TRPC4: variants seen among roughly 807,000 people sequenced by gnomAD.
TRPC4 encodes the protein short transient receptor potential channel 4.
In TRPC4, 49 loss-of-function variants were observed where a neutral mutation model predicts 99.4. That is an observed-to-expected ratio of 0.49 (90% CI 0.39 to 0.63). The LOEUF (loss-of-function observed/expected upper bound fraction) is 0.63, where lower values mean the gene tolerates loss of function less well. TRPC4 is among the 20% of genes least tolerant of loss of function. TRPC4 has a pLI of 0.00. For synonymous variants in TRPC4, 454 were observed against 425.9 expected (o/e 1.07, Z -0.81); for missense variants, 898 against 1,152.9 (o/e 0.78, Z 3.20).
At chr13:37,796,773 C>A (rs1032921959) in intron 1 of TRPC4, among the ~76,000 whole-genome samples, 13 of 151,516 alleles carry the variant, frequency 8.6e-5, no homozygotes, top group African/African-American at 3.2e-4. Context: ...TTTCCAGGCT[C>A]ATAATTGTCT....
chr13:37,818,669 G>T (rs528554704), intron 1 of TRPC4, among the ~76,000 whole-genome samples: 36 of 152,100 alleles, frequency 2.4e-4, no homozygotes, highest in Non-Finnish European at 4.4e-4. Context: ...GATGAAGCTG[G>T]AAACCATCAT....
At position 37,636,777 on chromosome 13, in the gene TRPC4, A is replaced by ATCTGTT; in HGVS notation, c.*125_*126insAACAGA. 2 of 1,325,854 alleles carry ATCTGTT rather than the reference A, an allele frequency of 1.5e-6. No individual in the cohort carries two copies. Among genetic ancestry groups the ATCTGTT allele is most frequent in the Non-Finnish European group, 2.0e-6 (2 of 995,406 alleles). 82.1% of individuals were successfully genotyped at this position (1,325,854 alleles called of 1,614,324 possible). A position where few individuals can be genotyped will look rare whatever the true frequency, so the allele number is the denominator to read the frequency against. ...CTTATTTAAACATGTTACAGGTAAT[A>ATCTGTT]TGCCACAGCTGATAAACGCTATAAA... On this transcript the variant is annotated 3_prime_UTR_variant, in exon 11 of 11. Transcript: ENST00000379705.
intron 1 of TRPC4, among the ~76,000 whole-genome samples, chr13:37,821,841 C>T (rs1958020808): frequency 6.6e-6 from 1 of 152,044 alleles, no homozygotes; most frequent in African/African-American, 2.4e-5. Flanking sequence ...AAATGTAAAA[C>T]CCAAAACTGT....
At chr13:37,663,841 T>C (rs1952540426) in intron 5 of TRPC4, 112 bp from the exon 6 acceptor site, 2 of 1,033,848 alleles carry the variant, frequency 1.9e-6, no homozygotes, top group Non-Finnish European at 2.8e-6. Context: ...AATTGATGAC[T>C]TTGTTTTCGA....
At chr13:37,688,601 A>G (rs1439195295) in intron 4 of TRPC4, among the ~76,000 whole-genome samples, 1 of 152,248 alleles carries the variant, frequency 6.6e-6, no homozygotes, top group Non-Finnish European at 1.5e-5. Flanking sequence ...TAAACAAATG[A>G]GAGGTATAAA....
chr13:37,850,442 G>A (rs752116688), intron 1 of TRPC4, among the ~76,000 whole-genome samples: 6 of 152,172 alleles, frequency 3.9e-5, no homozygotes, highest in Middle Eastern at 3.2e-3. Context: ...TTCCTGATGT[G>A]AAAGATGGTA....
chr13:37,847,050 T>C (rs1377606427), intron 1 of TRPC4, among the ~76,000 whole-genome samples: 1 of 151,850 alleles, frequency 6.6e-6, no homozygotes, highest in Non-Finnish European at 1.5e-5. Context: ...AGAACATAAA[T>C]ACATAAAGCA....
intron 7 of TRPC4, among the ~76,000 whole-genome samples, chr13:37,654,570 G>A (rs1566071400): frequency 6.6e-6 from 1 of 152,106 alleles, no homozygotes; most frequent in African/African-American, 2.4e-5. Context: ...AAAAAAACAT[G>A]TATTGTATCG....
chr13:37,685,039 C>G (rs111606463), intron 4 of TRPC4, among the ~76,000 whole-genome samples: 2,857 of 152,068 alleles, frequency 0.019, 92 homozygotes, highest in African/African-American at 0.065. Flanking sequence ...AGTGATGATA[C>G]TGGTGGTGAT....
intron 1 of TRPC4, among the ~76,000 whole-genome samples, chr13:37,797,474 A>G (rs1957288172): frequency 6.6e-6 from 1 of 152,188 alleles, no homozygotes; most frequent in Non-Finnish European, 1.5e-5. Context: ...TGTTCTCTGA[A>G]TAGCAATTCA....
chr13:37,648,592 T>C (rs1351761568), intron 8 of TRPC4, among the ~76,000 whole-genome samples: 1 of 151,702 alleles, frequency 6.6e-6, no homozygotes, highest in Non-Finnish European at 1.5e-5. Context: ...AGTTTCAAAT[T>C]ACCTTGCTGT....
chr13:37,859,300 A>G (rs1009415691), intron 1 of TRPC4, among the ~76,000 whole-genome samples: 1 of 151,386 alleles, frequency 6.6e-6, no homozygotes, highest in Non-Finnish European at 1.5e-5. Context: ...AGGTCTTAAG[A>G]AGGAAAAAAT....
intron 4 of TRPC4, among the ~76,000 whole-genome samples, chr13:37,686,006 A>G (rs1316659233): frequency 1.3e-5 from 2 of 152,154 alleles, no homozygotes; most frequent in African/African-American, 4.8e-5. Flanking sequence ...TCCATTTTAA[A>G]TTAATAAATG....
At chr13:37,649,462 C>A (rs148976088) in intron 8 of TRPC4, among the ~76,000 whole-genome samples, 1 of 151,898 alleles carries the variant, frequency 6.6e-6, no homozygotes, top group Non-Finnish European at 1.5e-5. Flanking sequence ...TGGCCGGGCG[C>A]GGTGGCTCAC....
At chr13:37,695,334 C>T (rs894590838) in intron 3 of TRPC4, among the ~76,000 whole-genome samples, 2 of 152,132 alleles carry the variant, frequency 1.3e-5, no homozygotes, top group African/African-American at 4.8e-5. Flanking sequence ...TGAGGGGCCA[C>T]CTGATTCTTT....
At chr13:37,812,874 G>C (rs915774772) in intron 1 of TRPC4, among the ~76,000 whole-genome samples, 6 of 151,892 alleles carry the variant, frequency 4.0e-5, no homozygotes, top group African/African-American at 1.4e-4. Flanking sequence ...GCCAACAATT[G>C]CTCCTTCCCT....
chr13:37,674,166 G>GT, intron 5 of TRPC4, 62 bp downstream of exon 5: 2 of 1,414,350 alleles, frequency 1.4e-6, no homozygotes, highest in Non-Finnish European at 1.9e-6. Flanking sequence ...ATTAATATCA[G>GT]TTGAAAGTAT....
In TRPC4 at chr13:37,692,244, A is replaced by G. The variant is rs1953739247; in HGVS notation, c.989T>C (p.Met330Thr). 1 of 1,614,162 alleles carries G rather than the reference A, an allele frequency of 6.2e-7. No individual in the cohort carries two copies. The highest frequency in any genetic ancestry group is 8.5e-7 in the Non-Finnish European group (1 of 1,180,016). ...GWRRRHWAVK[M>T]VTCFIIGLLF... ...AAGTCCTATTATGAAACATGTCACC[A>G]TCTTCACTGCCCAGTGTCTTCTCCT... Residue 330 changes from methionine (M) to threonine (T), a missense_variant, in exon 4 of 11, where the codon ATG (methionine) becomes ACG (threonine). By Grantham distance (81) the Met-to-Thr change is moderately conservative (BLOSUM62 -1). Coordinates refer to ENST00000379705, the MANE Select transcript of TRPC4 (RefSeq NM_016179.4).
At chr13:37,675,759 G>T (rs867211715) in intron 4 of TRPC4, among the ~76,000 whole-genome samples, 1 of 152,154 alleles carries the variant, frequency 6.6e-6, no homozygotes, top group African/African-American at 2.4e-5. Flanking sequence ...CATGGAGAAA[G>T]TTCCATCCCT....
Sources: allele counts gnomAD v4.1 joint callset (sites outside exome capture counted in the v4.1 genomes callset), GRCh38; gene constraint gnomAD v4.1.1; transcripts MANE v1.5; gene names NCBI Gene and HGNC (gene_info 2026-07-23, HGNC 2026-07-21).